C4orf51: variants seen among roughly 807,000 people sequenced by gnomAD.
C4orf51 encodes the protein chromosome 4 open reading frame 51, also known as uncharacterized protein C4orf51.
C4orf51 carries 25 observed loss-of-function variants against 25.2 expected under a neutral mutation model. That is an observed-to-expected ratio of 0.99 (90% CI 0.72 to 1.39). The LOEUF (loss-of-function observed/expected upper bound fraction) is 1.39, where lower values mean the gene tolerates loss of function less well. Ranked by LOEUF, C4orf51 falls within the 40% of genes most tolerant of loss-of-function variation. The pLI is 0.00. For missense variants in C4orf51, 252 were observed against 239.6 expected (o/e 1.05, Z -0.34); for synonymous variants, 100 against 84.5 (o/e 1.18, Z -1.01).
At chr4:145,744,613 A>C (rs570745069) in intron 1 of C4orf51, among the ~76,000 whole-genome samples, 3 of 152,210 alleles carry the variant, frequency 2.0e-5, no homozygotes, top group South Asian at 4.2e-4. Flanking sequence ...CGAGGTCAGG[A>C]GATCGAGACC....
chr4:145,709,480 C>G (rs1258505580), intron 2 of C4orf51, among the ~76,000 whole-genome samples: 1 of 152,206 alleles, frequency 6.6e-6, no homozygotes. Context: ...GGGATACCTG[C>G]AAGGAAGCCC....
At chr4:145,780,023 T>A in the C4orf51 span, among the ~76,000 whole-genome samples, 1 of 152,136 alleles carries the variant, frequency 6.6e-6, no homozygotes, top group African/African-American at 2.4e-5. Flanking sequence ...AAACCTTGTA[T>A]CTACTAAAAA....
intron 2 of C4orf51, among the ~76,000 whole-genome samples, chr4:145,710,445 G>T (rs1458626577): frequency 3.3e-5 from 5 of 152,204 alleles, no homozygotes; most frequent in Non-Finnish European, 4.4e-5. Flanking sequence ...AGGGTGGGCT[G>T]TCTGCATGTG....
rs868742009 is a variant in C4orf51, at chr4:145,729,548, T to A, written c.427+319T>A. On this transcript the variant is annotated intron_variant, in intron 4 of 5. Coordinates refer to ENST00000438731, the MANE Select transcript of C4orf51 (RefSeq NM_001080531.3). The stretch of plus-strand genomic sequence containing the variant: ...GATCTTCCGACCTTGTGATCCTCCC[T>A]CCTTGGCCTCCCAAAGTGCTGGGAT... Among the ~76,000 whole-genome samples the A allele has an allele frequency of 1.1e-4, 16 of 152,194 alleles. No individual in the cohort carries two copies. In the South Asian group the frequency reaches 2.9e-3, roughly 28 times the overall value.
At chr4:145,698,933 C>T (rs1189906257) in intron 2 of C4orf51, among the ~76,000 whole-genome samples, 1 of 152,032 alleles carries the variant, frequency 6.6e-6, no homozygotes, top group African/African-American at 2.4e-5. Flanking sequence ...ATATGCCCAG[C>T]CCCACCTTAA....
downstream of C4orf51, among the ~76,000 whole-genome samples, chr4:145,734,438 G>A (rs1278712532): frequency 6.6e-6 from 1 of 152,112 alleles, no homozygotes; most frequent in Admixed American, 6.6e-5. Flanking sequence ...AGAGACCTGG[G>A]CATCAAGAGC....
At chr4:145,699,075 CCCACTCCTGCCCG>C (rs1353886902) in intron 2 of C4orf51, among the ~76,000 whole-genome samples, 2 of 151,654 alleles carry the variant, frequency 1.3e-5, no homozygotes, top group African/African-American at 4.9e-5. Flanking sequence ...CCTTGCAACC[CCCACTCCTGCCCG>C]CCAGAGAACA....
At chr4:145,738,188 G>C (rs568179994) in intron 1 of C4orf51, among the ~76,000 whole-genome samples, 1 of 152,140 alleles carries the variant, frequency 6.6e-6, no homozygotes, top group Non-Finnish European at 1.5e-5. Context: ...AGTGGCTCAC[G>C]CCTGTAATCC....
intron 1 of C4orf51, among the ~76,000 whole-genome samples, chr4:145,764,323 T>C (rs1437930442): frequency 2.0e-5 from 3 of 152,190 alleles, no homozygotes; most frequent in Non-Finnish European, 2.9e-5. Context: ...TGGTGTTTTA[T>C]TCCTGTGTGC....
rs1214291988 is a variant in C4orf51, at chr4:145,716,834, G to C, written c.308-10077G>C. Among the ~76,000 whole-genome samples, 7 of 152,278 alleles carry C rather than the reference G, an allele frequency of 4.6e-5. 1 individual carries two copies. In the East Asian group the frequency reaches 1.3e-3, roughly 29 times the overall value. On this transcript the variant is annotated intron_variant, in intron 2 of 5. Coordinates refer to ENST00000438731, the MANE Select transcript of C4orf51 (RefSeq NM_001080531.3). ...TTATAAGCATAGTACATCTGAGGAG[G>C]GTTTTATGTGTTCCTCTGTGGTTTG...
At chr4:145,729,333 TCA>T (rs1732298900) in intron 4 of C4orf51, 104 bp downstream of exon 4, 5 of 617,630 alleles carry the variant, frequency 8.1e-6, no homozygotes, top group Admixed American at 6.9e-5. Context: ...AGATGGAGTC[TCA>T]CACTCTCCCA....
intron 3 of C4orf51, among the ~76,000 whole-genome samples, chr4:145,727,816 A>G (rs111502398): frequency 0.012 from 1,826 of 147,108 alleles, 49 homozygotes; most frequent in African/African-American, 0.044. Context: ...CGGGAGGTGG[A>G]TGTTGCAGTG....
intron 1 of C4orf51, among the ~76,000 whole-genome samples, chr4:145,766,552 C>T (rs111704545): frequency 7.2e-5 from 11 of 152,062 alleles, no homozygotes; most frequent in Non-Finnish European, 8.8e-5. Flanking sequence ...CTCCGAGTGG[C>T]GGATACAGAG....
chr4:145,771,600 G>GTGGGA (rs1255597367), downstream of C4orf51, among the ~76,000 whole-genome samples: 1 of 152,220 alleles, frequency 6.6e-6, no homozygotes, highest in Non-Finnish European at 1.5e-5. Flanking sequence ...ACGCCAGACA[G>GTGGGA]TGGGAGAAAG....
intron 1 of C4orf51, among the ~76,000 whole-genome samples, chr4:145,748,665 A>G (rs767739800): frequency 6.6e-6 from 1 of 152,026 alleles, no homozygotes; most frequent in Non-Finnish European, 1.5e-5. Context: ...ATATTGTTTG[A>G]TTTCTATGTA....
chr4:145,696,152 C>T (rs942255693), intron 1 of C4orf51, among the ~76,000 whole-genome samples: 3 of 152,128 alleles, frequency 2.0e-5, no homozygotes, highest in Non-Finnish European at 4.4e-5. Flanking sequence ...GTCCTAGCTA[C>T]TCAGGAGGCT....
chr4:145,708,833 A>G (rs117767679), intron 2 of C4orf51, among the ~76,000 whole-genome samples: 1 of 152,326 alleles, frequency 6.6e-6, no homozygotes, highest in East Asian at 1.9e-4. Context: ...CACTTGGAGC[A>G]TTTTAGCAAC....
chr4:145,767,009 C>A (rs911746841), intron 1 of C4orf51, among the ~76,000 whole-genome samples: 7 of 152,058 alleles, frequency 4.6e-5, no homozygotes, highest in African/African-American at 1.7e-4. Context: ...ATTAAGCACC[C>A]AACATGGTAA....
chr4:145,706,200 T>C (rs909630416), intron 2 of C4orf51, among the ~76,000 whole-genome samples: 1 of 152,210 alleles, frequency 6.6e-6, no homozygotes, highest in African/African-American at 2.4e-5. Flanking sequence ...AGAACTGACT[T>C]GTTCACAATA....
Sources: gnomAD v4.1 joint callset for allele counts (sites outside exome capture counted in the v4.1 genomes callset) on GRCh38, gnomAD v4.1.1 for gene constraint, MANE v1.5 for transcripts, NCBI Gene and HGNC (gene_info 2026-07-23, HGNC 2026-07-21) for gene names.